Variants in ETV6 observed in about 807,000 individuals in gnomAD.
ETV6 encodes transcription factor ETV6.
ETV6 carries 16 observed loss-of-function variants against 51.1 expected under a neutral mutation model. The observed-to-expected ratio is 0.31, with a 90% confidence interval of 0.21 to 0.48. The LOEUF (loss-of-function observed/expected upper bound fraction) is 0.48, where lower values mean the gene tolerates loss of function less well. Ranked by LOEUF, ETV6 falls within the 20% of genes least tolerant of loss-of-function variation. The pLI, the probability that ETV6 is intolerant of heterozygous loss-of-function variation, is 0.99. For synonymous variants in ETV6, 240 were observed against 224.1 expected, an observed-to-expected ratio of 1.07 and a Z score of -0.64; for missense variants, 458 against 594.8, an observed-to-expected ratio of 0.77 and a Z score of 2.39.
intron 2 of ETV6, among the ~76,000 whole-genome samples, chr12:11,785,073 A>C (rs1945466599): frequency 6.6e-6 from 1 of 151,910 alleles, no homozygotes; most frequent in South Asian, 2.1e-4. Flanking sequence ...ATGCTCTTTG[A>C]ATTTTAAGGA....
chr12:11,659,656 A>G (rs1351769038), intron 1 of ETV6, among the ~76,000 whole-genome samples: 1 of 152,208 alleles, frequency 6.6e-6, no homozygotes, highest in Non-Finnish European at 1.5e-5. Flanking sequence ...GCAGACTCTA[A>G]AGCATTTCCT....
At chr12:11,793,514 CTGTT>C (rs922348462) in intron 2 of ETV6, among the ~76,000 whole-genome samples, 18 of 152,220 alleles carry the variant, frequency 1.2e-4, no homozygotes, top group African/African-American at 3.4e-4. Flanking sequence ...AATGGTCACT[CTGTT>C]TGGGGGCCAC....
At chr12:11,730,035 C>G (rs954145308) in intron 1 of ETV6, among the ~76,000 whole-genome samples, 1 of 152,044 alleles carries the variant, frequency 6.6e-6, no homozygotes, top group Non-Finnish European at 1.5e-5. Context: ...TCTGTGCAAG[C>G]GAAAATTATT....
chr12:11,733,788 A>G (rs1034142311), intron 1 of ETV6, among the ~76,000 whole-genome samples: 3 of 152,214 alleles, frequency 2.0e-5, no homozygotes, highest in Admixed American at 2.0e-4. Context: ...TACCCTGTTC[A>G]GCCATACTGA....
At chr12:11,864,048 G>C (rs1946756822) in intron 4 of ETV6, among the ~76,000 whole-genome samples, 1 of 152,200 alleles carries the variant, frequency 6.6e-6, no homozygotes, top group African/African-American at 2.4e-5. Flanking sequence ...TCCAAGTCCT[G>C]TTCCTGCCTG....
At chr12:11,751,748 G>C in intron 1 of ETV6, 1 of 424,636 alleles carries the variant, frequency 2.4e-6, no homozygotes, top group South Asian at 1.8e-5. Flanking sequence ...AATGAACTAT[G>C]AAATACTTCA....
chr12:11,891,396 A>C lies in ETV6; in HGVS notation c.*350A>C. ...TTTTGTTTTAAGAACCTGCAGTTTG[A>C]CTCTTCATCGTTCATCTAGGGGAAG... On this transcript the variant is annotated 3_prime_UTR_variant, in exon 8 of 8. Coordinates refer to ENST00000396373, the MANE Select transcript of ETV6 (RefSeq NM_001987.5). 2 of 335,206 alleles carry C rather than the reference A, an allele frequency of 6.0e-6. No individual in the cohort carries two copies. The highest frequency in any genetic ancestry group is 4.6e-5 in the Admixed American group (1 of 21,772). 20.8% of individuals were successfully genotyped at this position (335,206 alleles called of 1,614,324 possible). A position where few individuals can be genotyped will look rare whatever the true frequency, so the allele number is the denominator to read the frequency against.
chr12:11,852,830 T>C (rs184807260), intron 3 of ETV6, among the ~76,000 whole-genome samples: 11 of 152,354 alleles, frequency 7.2e-5, no homozygotes, highest in Non-Finnish European at 1.3e-4. Flanking sequence ...AGGGCTTCTG[T>C]ATCTTAGTGA....
At chr12:11,788,250 T>G (rs1169097422) in intron 2 of ETV6, among the ~76,000 whole-genome samples, 1 of 152,196 alleles carries the variant, frequency 6.6e-6, no homozygotes, top group African/African-American at 2.4e-5. Flanking sequence ...CATTCCAAAA[T>G]ATTTTTTTAG....
chr12:11,844,849 T>A (rs1338821078), intron 3 of ETV6, among the ~76,000 whole-genome samples: 1 of 152,094 alleles, frequency 6.6e-6, no homozygotes, highest in African/African-American at 2.4e-5. Flanking sequence ...CTTTTTTTTT[T>A]TTAGATGGAT....
intron 2 of ETV6, among the ~76,000 whole-genome samples, chr12:11,754,982 T>C (rs1013513149): frequency 6.6e-6 from 1 of 152,232 alleles, no homozygotes; most frequent in Non-Finnish European, 1.5e-5. Flanking sequence ...ACAGAACCAG[T>C]AAGAGATAGA....
rs532604562 is a variant in ETV6 at position 11,782,523 on chromosome 12, A to G, written c.163+29944A>G. Among the ~76,000 whole-genome samples the G allele has an allele frequency of 5.3e-5, 8 of 152,258 alleles. No homozygotes were observed. The South Asian group carries it at 1.7e-3, about 32-fold the overall frequency. ...TATGTGTGCATTTGTGTTTTCTGCG[A>G]CTGCACATTTGTAATAATAGGCTCA... On this transcript the variant is annotated intron_variant, in intron 2 of 7. Coordinates refer to ENST00000396373, the MANE Select transcript of ETV6 (RefSeq NM_001987.5).
intron 1 of ETV6, among the ~76,000 whole-genome samples, chr12:11,669,867 A>G (rs1442367302): frequency 6.6e-6 from 1 of 152,168 alleles, no homozygotes; most frequent in Non-Finnish European, 1.5e-5. Flanking sequence ...TTAAAGTAGG[A>G]TGTGCCGAAA....
chr12:11,751,376 T>C (rs1866023884), intron 1 of ETV6: 2 of 518,944 alleles, frequency 3.9e-6, no homozygotes, highest in South Asian at 2.8e-5. Flanking sequence ...TACTGGTCTT[T>C]CCTTTCCACC....
At chr12:11,797,034 ATCTC>A (rs1218038233) in intron 2 of ETV6, among the ~76,000 whole-genome samples, 1 of 152,194 alleles carries the variant, frequency 6.6e-6, no homozygotes, top group Non-Finnish European at 1.5e-5. Context: ...GTAGAGCTTT[ATCTC>A]CTTGTCGAGA....
At chr12:11,708,516 C>T (rs1308683375) in intron 1 of ETV6, among the ~76,000 whole-genome samples, 3 of 152,196 alleles carry the variant, frequency 2.0e-5, no homozygotes, top group Admixed American at 2.0e-4. Flanking sequence ...GCAGTCTGGA[C>T]ATCACAGACG....
chr12:11,873,876 C>T (rs1360035962), intron 5 of ETV6, among the ~76,000 whole-genome samples: 1 of 111,678 alleles, frequency 9.0e-6, no homozygotes, highest in African/African-American at 3.5e-5. Flanking sequence ...GTAGGGATGT[C>T]AGGGCAAGCT....
intron 1 of ETV6, among the ~76,000 whole-genome samples, chr12:11,740,842 A>G (rs1396070464): frequency 4.6e-5 from 7 of 152,238 alleles, no homozygotes; most frequent in East Asian, 3.8e-4. Flanking sequence ...GGTATACTCT[A>G]GAGAAAGAAG....
At chr12:11,752,231 A>G (rs1398686264) in intron 1 of ETV6, among the ~76,000 whole-genome samples, 1 of 152,208 alleles carries the variant, frequency 6.6e-6, no homozygotes, top group Non-Finnish European at 1.5e-5. Flanking sequence ...GCTGTTTTCA[A>G]CGATGGCAGA....
Sources: gnomAD v4.1 joint callset for allele counts (sites outside exome capture counted in the v4.1 genomes callset) on GRCh38, gnomAD v4.1.1 for gene constraint, MANE v1.5 for transcripts, NCBI Gene and HGNC (gene_info 2026-07-23, HGNC 2026-07-21) for gene names.